The following PAPPA variants were observed in gnomAD, a reference collection of about 807,000 sequenced individuals.
The protein encoded by PAPPA is pappalysin 1, also known as pappalysin-1.
Under a neutral mutation model 164.0 loss-of-function variants are expected in PAPPA, and 60 were observed. The observed-to-expected ratio is 0.37, with a 90% CI of 0.30 to 0.45. The LOEUF (loss-of-function observed/expected upper bound fraction) is 0.45. Ranked by LOEUF, PAPPA falls within the 20% of genes least tolerant of loss-of-function variation. PAPPA has a pLI of 1.00. For synonymous variants in PAPPA, 875 were observed against 814.1 expected (o/e 1.07, Z -1.27); for missense variants, 1,782 against 2,087.3 (o/e 0.85, Z 2.85).
intron 2 of PAPPA, among the ~76,000 whole-genome samples, chr9:116,190,256 C>A (rs1472529827): frequency 6.6e-6 from 1 of 152,114 alleles, no homozygotes; most frequent in African/African-American, 2.4e-5. Context: ...TACCTCTGTG[C>A]CTGGTGAGAG....
At chr9:116,344,924 A>C (rs1044692405) in intron 14 of PAPPA, among the ~76,000 whole-genome samples, 3 of 152,380 alleles carry the variant, frequency 2.0e-5, no homozygotes, top group East Asian at 1.9e-4. Context: ...GTTCCTGTGC[A>C]GAGTAGTGTT....
At chr9:116,209,259 C>T (rs536397146) in intron 3 of PAPPA, among the ~76,000 whole-genome samples, 6 of 152,208 alleles carry the variant, frequency 3.9e-5, no homozygotes, top group East Asian at 1.9e-4. Flanking sequence ...AGCCAAAATT[C>T]GTGTTTGTTC....
At chr9:116,321,705 G>A (rs148596036) in intron 10 of PAPPA, among the ~76,000 whole-genome samples, 21 of 152,208 alleles carry the variant, frequency 1.4e-4, no homozygotes, top group Middle Eastern at 3.4e-3. Flanking sequence ...GATCTAATGC[G>A]TCACCAATCT....
intron 17 of PAPPA, among the ~76,000 whole-genome samples, chr9:116,362,092 A>AG (rs1235976507): frequency 1.4e-5 from 2 of 146,898 alleles, no homozygotes; most frequent in Non-Finnish European, 3.1e-5. Context: ...AATGTCTTGG[A>AG]AAAAAAGCTT....
intron 7 of PAPPA, among the ~76,000 whole-genome samples, chr9:116,250,351 C>T (rs1321497200): frequency 6.6e-6 from 1 of 152,052 alleles, no homozygotes; most frequent in Non-Finnish European, 1.5e-5. Flanking sequence ...GGTTTTTGCC[C>T]CAGTTTCAGA....
chr9:116,235,521 T>C lies in PAPPA; in HGVS notation c.2616T>C (p.Thr872=). Residue 872 remains threonine (T), a synonymous_variant, in exon 7 of 22, where the codon ACT becomes ACC. Coordinates refer to ENST00000328252, the MANE Select transcript of PAPPA (RefSeq NM_002581.5). ...LEIDAAMLTS[T]ADTPLCLQCK... ...TCGATGCTGCCATGTTGACCTCCAC[T>C]GCAGACACCCCACTCTGTCTACAGT... is the stretch of plus-strand genomic sequence containing the variant. 1 of 1,613,660 alleles carries C rather than the reference T, an allele frequency of 6.2e-7. No homozygotes were observed.
intron 7 of PAPPA, among the ~76,000 whole-genome samples, chr9:116,260,125 T>C (rs1844983772): frequency 6.6e-6 from 1 of 152,178 alleles, no homozygotes; most frequent in South Asian, 2.1e-4. Context: ...AACAATACAC[T>C]GTGCAAAAAG....
intron 7 of PAPPA, among the ~76,000 whole-genome samples, chr9:116,237,144 A>G (rs758650331): frequency 1.3e-5 from 2 of 152,250 alleles, no homozygotes; most frequent in Non-Finnish European, 2.9e-5. Flanking sequence ...TTTAAAGGGC[A>G]GAACCACTTT....
intron 7 of PAPPA, among the ~76,000 whole-genome samples, chr9:116,242,286 G>A (rs1844745636): frequency 1.3e-5 from 2 of 152,118 alleles, no homozygotes; most frequent in Non-Finnish European, 2.9e-5. Context: ...ATGCATAACA[G>A]CTGATCATTG....
chr9:116,156,334 G>A (rs202219098), intron 1 of PAPPA, among the ~76,000 whole-genome samples: 1 of 139,590 alleles, frequency 7.2e-6, no homozygotes, highest in Admixed American at 7.2e-5. Flanking sequence ...ATATATATGT[G>A]TATATATATA....
At chr9:116,265,797 TTC>T in intron 7 of PAPPA, 58 bp from the exon 8 acceptor site, 1 of 1,424,048 alleles carries the variant, frequency 7.0e-7, no homozygotes, top group Non-Finnish European at 9.7e-7. Context: ...CAATTTTCCA[TTC>T]TCTCTTTGTC....
chr9:116,376,500 A>G (rs1846655555), intron 19 of PAPPA, among the ~76,000 whole-genome samples: 1 of 152,200 alleles, frequency 6.6e-6, no homozygotes, highest in Non-Finnish European at 1.5e-5. Context: ...TCCACCAAAC[A>G]GCTATGGAGC....
At chr9:116,323,145 G>T (rs899069860) in intron 10 of PAPPA, among the ~76,000 whole-genome samples, 1 of 152,050 alleles carries the variant, frequency 6.6e-6, no homozygotes, top group Non-Finnish European at 1.5e-5. Context: ...AGATAAACTG[G>T]ATTTAAAAAA....
At chr9:116,394,352 C>A (rs927341564) in intron 21 of PAPPA, among the ~76,000 whole-genome samples, 2 of 152,260 alleles carry the variant, frequency 1.3e-5, no homozygotes, top group Admixed American at 6.5e-5. Flanking sequence ...AAAAATGCAA[C>A]ATGAAATATG....
At chr9:116,250,683 A>T (rs77172647) in intron 7 of PAPPA, among the ~76,000 whole-genome samples, 3,777 of 152,366 alleles carry the variant, frequency 0.025, 134 homozygotes, top group East Asian at 0.11. Flanking sequence ...CTCTCAGACC[A>T]GGAAAGATTA....
chr9:116,269,592 G>C (rs1470246758), intron 8 of PAPPA, among the ~76,000 whole-genome samples: 1 of 152,160 alleles, frequency 6.6e-6, no homozygotes, highest in Non-Finnish European at 1.5e-5. Context: ...TCCAGCCCCA[G>C]AGGTCAAATA....
At chr9:116,238,525 C>T (rs1173438254) in intron 7 of PAPPA, among the ~76,000 whole-genome samples, 5 of 152,174 alleles carry the variant, frequency 3.3e-5, no homozygotes, top group African/African-American at 7.2e-5. Context: ...CAGACCAGTC[C>T]CTTTCTTGAA....
intron 21 of PAPPA, among the ~76,000 whole-genome samples, chr9:116,389,732 A>G (rs1451053667): frequency 4.0e-5 from 6 of 151,346 alleles, no homozygotes; most frequent in African/African-American, 1.2e-4. Flanking sequence ...CCCAAGTGCC[A>G]TGTTCTCAAT....
At chr9:116,162,941 T>A (rs1418684129) in intron 1 of PAPPA, among the ~76,000 whole-genome samples, 1 of 152,094 alleles carries the variant, frequency 6.6e-6, no homozygotes, top group African/African-American at 2.4e-5. Flanking sequence ...ATAAACACAT[T>A]ATTGTGTCAT....
Sources: gnomAD v4.1 joint callset for allele counts (sites outside exome capture counted in the v4.1 genomes callset) on GRCh38, gnomAD v4.1.1 for gene constraint, MANE v1.5 for transcripts, NCBI Gene and HGNC (gene_info 2026-07-23, HGNC 2026-07-21) for gene names.